The following C16orf95 variants were observed in gnomAD, a reference collection of about 807,000 sequenced individuals.
C16orf95 encodes the protein uncharacterized protein C16orf95.
In C16orf95, 41 loss-of-function variants were observed where a neutral mutation model predicts 32.1. The observed-to-expected ratio is 1.28, with a 90% CI of 1.00 to 1.66. The LOEUF (loss-of-function observed/expected upper bound fraction) is 1.66. Among genes scored for constraint, C16orf95 ranks in the 40% most tolerant of loss-of-function variants. The probability of loss-of-function intolerance (pLI) is 0.00; values close to 1 mark genes in which losing one functional copy is unlikely to be tolerated. For missense variants in C16orf95, 399 were observed against 325.9 expected (o/e 1.22, Z -1.73); for synonymous variants, 147 against 128.9 (o/e 1.14, Z -0.95).
chr16:87,306,468 G>A (rs2150647517), intron 5 of C16orf95, among the ~76,000 whole-genome samples: 1 of 152,072 alleles, frequency 6.6e-6, no homozygotes, highest in African/African-American at 2.4e-5. Flanking sequence ...TTATTACACT[G>A]TTAATATGCT....
chr16:87,310,772 G>T (rs1039381213), intron 4 of C16orf95, among the ~76,000 whole-genome samples: 3 of 152,186 alleles, frequency 2.0e-5, no homozygotes, highest in Non-Finnish European at 4.4e-5. Flanking sequence ...GCTGGGCCAG[G>T]GAAGGGAGGT....
rs1911229577 is a variant in C16orf95 at position 87,310,442 on chromosome 16, A to G, written c.478-109T>C. On this transcript the variant is annotated intron_variant, in intron 4 of 6. Transcript: ENST00000567970. ...GGAGGGGCACTGGCCAGCTCAAGAT[A>G]AAAGCCAAGGGCTCCTCCTTATGAG... The G allele has an allele frequency of 1.7e-5, 18 of 1,087,454 alleles. No homozygotes were observed. In the South Asian group the frequency reaches 2.3e-4, roughly 14 times the overall value. The allele number at this position is 1,087,454 out of a possible 1,614,324, so 67.4% of individuals were successfully genotyped here. A position where few individuals can be genotyped will look rare whatever the true frequency, so the allele number is the denominator to read the frequency against.
intron 5 of C16orf95, among the ~76,000 whole-genome samples, chr16:87,307,236 C>T (rs1911068661): frequency 6.6e-6 from 1 of 152,168 alleles, no homozygotes; most frequent in African/African-American, 2.4e-5. Flanking sequence ...CAACAGAAAA[C>T]ACCTTCAAGA....
intron 1 of C16orf95, among the ~76,000 whole-genome samples, chr16:87,316,650 G>C (rs116603932): frequency 0.011 from 1,626 of 146,082 alleles, 11 homozygotes; most frequent in Non-Finnish European, 0.018. Flanking sequence ...CTGGTGGGGA[G>C]GGGGGGGGCC....
chr16:87,311,089 C>A, intron 4 of C16orf95, 61 bp downstream of exon 4: 1 of 1,389,518 alleles, frequency 7.2e-7, no homozygotes, highest in Non-Finnish European at 9.5e-7. Flanking sequence ...CTCCCATCTC[C>A]CCTTCCCCCG....
rs73244606 is a variant in C16orf95, at chr16:87,306,574, C to T, written c.515-669G>A. ...GCCACAAAAACATAGAGGAGAAAAG[C>T]ACCTAAGTCTGTCTTTACAAGAAAA... On this transcript the variant is annotated intron_variant, in intron 5 of 6. Coordinates refer to ENST00000567970, the MANE Select transcript of C16orf95 (RefSeq NM_001195124.3). 5.9e-3 allele frequency among the ~76,000 whole-genome samples: 894 copies of T among 152,182 alleles called. 8 individuals carry two copies. Among genetic ancestry groups the T allele is most frequent in the African/African-American group, 0.02 (814 of 41,522 alleles).
chr16:87,311,335 T>C, intron 3 of C16orf95, 39 bp from the exon 4 acceptor site: 2 of 1,496,612 alleles, frequency 1.3e-6, no homozygotes, highest in South Asian at 2.5e-5. Context: ...CAGAAGGGGA[T>C]GGAGCCATGC....
chr16:87,311,363 C>G, intron 3 of C16orf95, 67 bp from the exon 4 acceptor site: 1 of 1,411,638 alleles, frequency 7.1e-7, no homozygotes, highest in Non-Finnish European at 9.5e-7. Flanking sequence ...CAATGACTCC[C>G]TGATGGAGCC....
intron 3 of C16orf95, 53 bp from the exon 4 acceptor site, chr16:87,311,349 T>TCC: frequency 6.8e-7 from 1 of 1,460,804 alleles, no homozygotes; most frequent in Non-Finnish European, 9.1e-7. Flanking sequence ...GCCATGCCTG[T>TCC]CCCCAATGAC....
intron 1 of C16orf95, 60 bp from the exon 2 acceptor site, chr16:87,315,883 A>G (rs7193801): frequency 0.94 from 1,263,667 of 1,338,240 alleles, 602,434 homozygotes; most frequent in East Asian, 1. Flanking sequence ...GGGATGCTAG[A>G]GCACAGGCCT....
At chr16:87,313,193 T>TAAA (rs56015859) in intron 3 of C16orf95, among the ~76,000 whole-genome samples, 3 of 139,776 alleles carry the variant, frequency 2.1e-5, no homozygotes, top group Non-Finnish European at 4.6e-5. Context: ...ACATGGAAAT[T>TAAA]AAAAAAAAAA....
At chr16:87,313,347 G>A (rs570432323) in intron 3 of C16orf95, among the ~76,000 whole-genome samples, 8 of 152,310 alleles carry the variant, frequency 5.3e-5, no homozygotes, top group African/African-American at 1.9e-4. Flanking sequence ...GAAGAGAAGA[G>A]GGTTCAGAAA....
intron 1 of C16orf95, among the ~76,000 whole-genome samples, chr16:87,316,766 A>G (rs959154020): frequency 6.6e-6 from 1 of 152,196 alleles, no homozygotes; most frequent in Non-Finnish European, 1.5e-5. Flanking sequence ...TGATAATCTG[A>G]TAACATGTAA....
At chr16:87,317,044 C>T (rs930977390) in intron 1 of C16orf95, 47 bp downstream of exon 1, 2 of 1,465,622 alleles carry the variant, frequency 1.4e-6, no homozygotes, top group Non-Finnish European at 1.8e-6. Context: ...CGGGAACTCA[C>T]AGGCGAGGTG....
chr16:87,302,907 T>G lies in C16orf95; in HGVS notation c.*150A>C. On this transcript the variant is annotated 3_prime_UTR_variant, in exon 7 of 7. Coordinates refer to ENST00000567970, the MANE Select transcript of C16orf95 (RefSeq NM_001195124.3). Reference sequence around the variant, plus strand: ...TTTGCTACAACCAAGAATCACCTGATGAGAAATCATTTGGGTTGAATCCTG... The same window carrying G: ...TTTGCTACAACCAAGAATCACCTGAGGAGAAATCATTTGGGTTGAATCCTG... 1 of 790,140 alleles carries G rather than the reference T, an allele frequency of 1.3e-6. No individual in the cohort carries two copies. The highest frequency in any genetic ancestry group is 2.1e-6 in the Non-Finnish European group (1 of 477,082). 48.9% of individuals were successfully genotyped at this position (790,140 alleles called of 1,614,324 possible).
At position 87,305,717 on chromosome 16, in the gene C16orf95, A is replaced by C; in HGVS notation, c.701+2T>G. ...ACTGTCCCCCATCCCCCACCTGCTC[A>C]CCGAATGGCCATGATGACCCTCGGG... On this transcript the variant is annotated splice_donor_variant, in intron 6 of 6. Coordinates refer to ENST00000567970, the MANE Select transcript of C16orf95 (RefSeq NM_001195124.3). LOFTEE classifies it high-confidence loss of function. The surrounding 1 kb of genome is among the most constrained non-coding windows in gnomAD (Gnocchi z 4.2). The C allele has an allele frequency of 6.7e-7, 1 of 1,498,012 alleles. No individual in the cohort carries two copies. Among genetic ancestry groups the C allele is most frequent in the Non-Finnish European group, 8.9e-7 (1 of 1,129,354 alleles). 92.8% of individuals were successfully genotyped at this position (1,498,012 alleles called of 1,614,324 possible).
chr16:87,311,171 C>G lies in C16orf95; in HGVS notation c.456G>C (p.Gln152His). 1.3e-6 allele frequency: 2 copies of G among 1,533,686 alleles called. No individual in the cohort carries two copies. Among genetic ancestry groups the G allele is most frequent in the Non-Finnish European group, 1.7e-6 (2 of 1,145,100 alleles). ...DQAVMPYWVP[Q>H]VLRSQQQIVR... Reference sequence around the variant, plus strand: ...TTACCTGCTGCTGAGACCTCAGGACCTGGGGCACCCAGTAGGGCATCACTG... The same window carrying G: ...TTACCTGCTGCTGAGACCTCAGGACGTGGGGCACCCAGTAGGGCATCACTG... Residue 152 changes from glutamine (Q) to histidine (H), a missense_variant, in exon 4 of 7, where the codon CAG becomes CAC. Physicochemically the swap from Gln to His is conservative, Grantham distance 24 (BLOSUM62 0). Coordinates refer to ENST00000567970, the MANE Select transcript of C16orf95 (RefSeq NM_001195124.3).
intron 5 of C16orf95, among the ~76,000 whole-genome samples, chr16:87,307,676 T>C (rs1006090919): frequency 2.0e-5 from 3 of 152,132 alleles, no homozygotes; most frequent in African/African-American, 7.2e-5. Flanking sequence ...GAGAATTGCT[T>C]GAACCCAGGA....
chr16:87,307,766 C>T (rs1437499308), intron 5 of C16orf95, among the ~76,000 whole-genome samples: 1 of 151,964 alleles, frequency 6.6e-6, no homozygotes, highest in African/African-American at 2.4e-5. Context: ...CTAAAACAAA[C>T]TAAAAATAAA....
Sources: allele counts gnomAD v4.1 joint callset (sites outside exome capture counted in the v4.1 genomes callset), GRCh38; gene constraint gnomAD v4.1.1; non-coding constraint Gnocchi (gnomAD v3.1); transcripts MANE v1.5; gene names NCBI Gene and HGNC (gene_info 2026-07-23, HGNC 2026-07-21).